DMD: variants seen among roughly 807,000 people sequenced by gnomAD.
DMD encodes mutant dystrophin.
Under a neutral mutation model 330.1 loss-of-function variants are expected in DMD, and 63 were observed. The ratio of observed to expected loss-of-function variants is 0.19; its 90% CI spans 0.16 to 0.24. DMD has a LOEUF of 0.24. Among genes scored for constraint, DMD ranks in the 10% least tolerant of loss-of-function variants. The pLI is 1.00. For missense variants in DMD, 3,344 were observed against 2,684.1 expected (o/e 1.25, Z -5.43); for synonymous variants, 1,223 against 959.8 (o/e 1.27, Z -5.07).
intron 9 of DMD, among the ~76,000 whole-genome samples, chrX:32,652,483 T>G (rs1322968185): frequency 9.1e-6 from 1 of 110,407 alleles, no homozygotes; most frequent in Non-Finnish European, 1.9e-5. Flanking sequence ...GTTTTATGGC[T>G]GCATAGTATT....
intron 9 of DMD, among the ~76,000 whole-genome samples, chrX:32,653,150 C>A (rs1306568682): frequency 8.9e-6 from 1 of 111,941 alleles, no homozygotes; most frequent in Non-Finnish European, 1.9e-5. Context: ...TTTGCAGAAG[C>A]TCCTTGGTTT....
At chrX:33,002,869 A>G (rs2093316637) in intron 2 of DMD, among the ~76,000 whole-genome samples, 1 of 107,114 alleles carries the variant, frequency 9.3e-6, no homozygotes, top group Non-Finnish European at 1.9e-5. Context: ...AAAAAAAAAA[A>G]AAAAAAGAAG....
chrX:32,923,957 T>C (rs1319566497), intron 2 of DMD, among the ~76,000 whole-genome samples: 1 of 111,913 alleles, frequency 8.9e-6, no homozygotes, highest in Non-Finnish European at 1.9e-5. Context: ...TATAGATGCA[T>C]TAAAAACTAT....
intron 60 of DMD, among the ~76,000 whole-genome samples, chrX:31,408,049 C>G (rs1428367583): frequency 8.9e-6 from 1 of 112,218 alleles, no homozygotes; most frequent in East Asian, 2.8e-4. Context: ...GATAGCGTAA[C>G]CTGCAATCAT....
intron 13 of DMD, among the ~76,000 whole-genome samples, chrX:32,578,828 G>A (rs2053345240): frequency 9.0e-6 from 1 of 111,354 alleles, no homozygotes; most frequent in African/African-American, 3.3e-5. Context: ...CATCAGCAAC[G>A]GGGCTTTATG....
chrX:32,328,007 C>A (rs2097659872), intron 41 of DMD, among the ~76,000 whole-genome samples: 1 of 111,232 alleles, frequency 9.0e-6, no homozygotes, highest in African/African-American at 3.3e-5. Context: ...CCAATTATTT[C>A]TTAAATAATA....
intron 2 of DMD, among the ~76,000 whole-genome samples, chrX:32,879,318 G>A (rs776604921): frequency 9.0e-6 from 1 of 111,713 alleles, no homozygotes; most frequent in South Asian, 3.7e-4. Flanking sequence ...ATTGGAGGAA[G>A]AAAGAGTCAC....
rs564292881 is a variant in DMD, at chrX:32,283,559, C to T, written c.6290+3970G>A. On this transcript the variant is annotated intron_variant, in intron 43 of 78. Transcript: ENST00000357033. ...CCATTGTATGGGACTTAGTAGGACA[C>T]GAGGTGTTGACTGCCACTACAATGA... 1.1e-4 allele frequency among the ~76,000 whole-genome samples: 12 copies of T among 111,219 alleles called. No homozygotes were observed. The South Asian group carries it at 1.1e-3, about 11-fold the overall frequency.
chrX:31,779,189 G>A (rs921393340), intron 50 of DMD, among the ~76,000 whole-genome samples: 1 of 111,695 alleles, frequency 9.0e-6, no homozygotes, highest in Non-Finnish European at 1.9e-5. Context: ...AATCTAGAAC[G>A]AACGGGTAAA....
intron 25 of DMD, among the ~76,000 whole-genome samples, chrX:32,461,103 C>A (rs182464909): frequency 9.0e-6 from 1 of 111,657 alleles, no homozygotes; most frequent in Admixed American, 9.6e-5. Flanking sequence ...GATATTTGGA[C>A]AATTTTGTTT....
At chrX:33,025,541 A>G (rs1239789710) in intron 1 of DMD, among the ~76,000 whole-genome samples, 4 of 111,370 alleles carry the variant, frequency 3.6e-5, no homozygotes, top group Non-Finnish European at 5.7e-5. Context: ...GCAATTAACC[A>G]TAATCTGTAC....
At chrX:33,272,869 C>T (rs1213236694) in intron 1 of DMD, among the ~76,000 whole-genome samples, 1 of 111,226 alleles carries the variant, frequency 9.0e-6, no homozygotes, top group African/African-American at 3.3e-5. Flanking sequence ...ACTTGCTCTT[C>T]CTTGCGGTAG....
chrX:32,839,068 G>C (rs971495987), intron 4 of DMD, among the ~76,000 whole-genome samples: 1 of 111,698 alleles, frequency 9.0e-6, no homozygotes, highest in African/African-American at 3.3e-5. Flanking sequence ...TTAATTTCTA[G>C]TAGTGTTTTT....
intron 7 of DMD, among the ~76,000 whole-genome samples, chrX:32,760,635 T>C (rs2072152048): frequency 8.9e-6 from 1 of 112,047 alleles, no homozygotes; most frequent in Non-Finnish European, 1.9e-5. Flanking sequence ...TTATGAATTA[T>C]GGTTGCAGGA....
chrX:32,178,976 CT>C (rs2147440907), intron 44 of DMD, among the ~76,000 whole-genome samples: 3 of 106,117 alleles, frequency 2.8e-5, no homozygotes, highest in South Asian at 4.3e-4. Flanking sequence ...CTCTCTCTCT[CT>C]CTCTCCCTCT....
chrX:33,009,591 T>C (rs1217182682), intron 2 of DMD, among the ~76,000 whole-genome samples: 1 of 68,009 alleles, frequency 1.5e-5, no homozygotes, highest in Non-Finnish European at 3.1e-5. Context: ...TATGTGTGTA[T>C]GTGTGTATGT....
intron 23 of DMD, among the ~76,000 whole-genome samples, chrX:32,468,146 T>C (rs1046932681): frequency 9.0e-6 from 1 of 110,650 alleles, no homozygotes; most frequent in Non-Finnish European, 1.9e-5. Context: ...AATGTATATA[T>C]ACATAACTTT....
intron 43 of DMD, among the ~76,000 whole-genome samples, chrX:32,265,870 T>C (rs1395154381): frequency 8.9e-6 from 1 of 112,153 alleles, no homozygotes; most frequent in African/African-American, 3.2e-5. Flanking sequence ...CTTTTGATTT[T>C]ATGGCTCCTA....
intron 47 of DMD, among the ~76,000 whole-genome samples, chrX:31,889,717 C>T (rs1344770395): frequency 3.8e-5 from 4 of 103,909 alleles, no homozygotes; most frequent in Non-Finnish European, 7.9e-5. Flanking sequence ...AAATTAACCC[C>T]GTATTTTTCT....
Sources: allele counts gnomAD v4.1 joint callset (sites outside exome capture counted in the v4.1 genomes callset), GRCh38; gene constraint gnomAD v4.1.1; transcripts MANE v1.5; gene names NCBI Gene and HGNC (gene_info 2026-07-23, HGNC 2026-07-21).